TMEM222: variants seen among roughly 807,000 people sequenced by gnomAD.
TMEM222 encodes chromosome 1 open reading frame 160.
A neutral mutation model predicts 25.1 loss-of-function variants in TMEM222; 18 were observed. The observed-to-expected ratio is 0.72, with a 90% CI of 0.50 to 1.06. The LOEUF (loss-of-function observed/expected upper bound fraction) is 1.06. Ranked by LOEUF, TMEM222 falls within the 50% of genes least tolerant of loss-of-function variation. The pLI, the probability that TMEM222 is intolerant of heterozygous loss-of-function variation, is 0.00. For synonymous variants in TMEM222, 131 were observed against 117.9 expected (o/e 1.11, Z -0.72); for missense variants, 296 against 293.7 (o/e 1.01, Z -0.06).
In TMEM222 at chr1:27,324,048, G is replaced by A. The variant is rs566332722; in HGVS notation, c.194+1657G>A. Among the ~76,000 whole-genome samples, 197 of 152,058 alleles carry A rather than the reference G, an allele frequency of 1.3e-3. 1 individual carries two copies. Among genetic ancestry groups the A allele is most frequent in the African/African-American group, 4.5e-3 (185 of 41,474 alleles). On this transcript the variant is annotated intron_variant, in intron 1 of 5. Transcript: ENST00000374076. Reference sequence around the variant, plus strand: ...TATTAGTGTGAAAATAACAGGGGCCGGGCGTGGTGGCTCAGGCCTGTAATC... The same window carrying A: ...TATTAGTGTGAAAATAACAGGGGCCAGGCGTGGTGGCTCAGGCCTGTAATC...
In TMEM222 at chr1:27,335,775, G is replaced by C. The variant is rs1023814597; in HGVS notation, c.*309G>C. On this transcript the variant is annotated 3_prime_UTR_variant, in exon 6 of 6. Coordinates refer to ENST00000374076, the MANE Select transcript of TMEM222 (RefSeq NM_032125.3). ...GAGCTGCTCCCGCCACCACCTGCTG[G>C]GGTCCTGCCTCAGCCCAGTGCCCAG... The C allele has an allele frequency of 2.4e-6, 1 of 424,812 alleles. No homozygotes were observed. Among genetic ancestry groups the C allele is most frequent in the Non-Finnish European group, 4.4e-6 (1 of 227,954 alleles). The allele number at this position is 424,812 out of a possible 1,614,324, so 26.3% of individuals were successfully genotyped here. A position where few individuals can be genotyped will look rare whatever the true frequency, so the allele number is the denominator to read the frequency against.
At chr1:27,332,846 C>T (rs1229862132) in intron 3 of TMEM222, 18 of 366,976 alleles carry the variant, frequency 4.9e-5, no homozygotes, top group South Asian at 4.6e-4. Flanking sequence ...TGCCAGACTG[C>T]TCTTCAAGGA....
chr1:27,334,392 G>T (rs890808886), intron 5 of TMEM222, 111 bp downstream of exon 5: 2 of 1,512,504 alleles, frequency 1.3e-6, no homozygotes, highest in South Asian at 1.3e-5. Flanking sequence ...AGTTGGAACA[G>T]ATGCCAGTTG....
chr1:27,333,754 A>G lies in TMEM222; in HGVS notation c.312-204A>G, dbSNP rs552514613. 5.1e-5 allele frequency: 30 copies of G among 588,264 alleles called. No homozygotes were observed. The South Asian group carries it at 5.3e-4, about 10-fold the overall frequency. 36.4% of individuals were successfully genotyped at this position (588,264 alleles called of 1,614,324 possible). A position where few individuals can be genotyped will look rare whatever the true frequency, so the allele number is the denominator to read the frequency against. On this transcript the variant is annotated intron_variant, in intron 3 of 5. Transcript: ENST00000374076. Reference sequence around the variant, plus strand: ...AGCATAGCACCCCCAATTTCATTCCATATCCCCCCAGGATCCCCCATGGCA... The same window carrying G: ...AGCATAGCACCCCCAATTTCATTCCGTATCCCCCCAGGATCCCCCATGGCA...
Position 27,335,672 on chromosome 1 carries a change from C to T in TMEM222, c.*206C>T. ...CCCTGCCTCTCAGAAGCACCCTGTC[C>T]CCTCCTCCCCAGGCCTGTGACTCCG... On this transcript the variant is annotated 3_prime_UTR_variant, in exon 6 of 6. Transcript: ENST00000374076. 1 of 596,958 alleles carries T rather than the reference C, an allele frequency of 1.7e-6. No homozygotes were observed. 37.0% of individuals were successfully genotyped at this position (596,958 alleles called of 1,614,324 possible).
chr1:27,331,942 C>T, intron 2 of TMEM222, 128 bp from the exon 3 acceptor site: 1 of 767,726 alleles, frequency 1.3e-6, no homozygotes, highest in Admixed American at 1.8e-5. Flanking sequence ...AGGGCCCAGG[C>T]CCCACTTCTG....
chr1:27,332,814 C>T (rs2014511981), intron 3 of TMEM222: 1 of 431,526 alleles, frequency 2.3e-6, no homozygotes, highest in Non-Finnish European at 4.3e-6. Flanking sequence ...GTCCAGGAGT[C>T]TCTGGGCCAC....
chr1:27,325,238 A>G, intron 1 of TMEM222: 1 of 451,794 alleles, frequency 2.2e-6, no homozygotes, highest in South Asian at 2.0e-5. Flanking sequence ...TCAGCAGCAC[A>G]TATACTAAAA....
chr1:27,332,141 G>T (rs1463925938), intron 3 of TMEM222, 40 bp downstream of exon 3: 3 of 1,613,846 alleles, frequency 1.9e-6, no homozygotes, highest in Non-Finnish European at 2.5e-6. Flanking sequence ...CTAGAGGCAG[G>T]TCGCTCCTGC....
chr1:27,324,747 C>G (rs985969474), intron 1 of TMEM222, among the ~76,000 whole-genome samples: 1 of 152,092 alleles, frequency 6.6e-6, no homozygotes, highest in African/African-American at 2.4e-5. Context: ...CAGGAAGCTT[C>G]CAGTTATGGT....
intron 5 of TMEM222, 60 bp from the exon 6 acceptor site, chr1:27,335,319 G>A (rs939641548): frequency 5.1e-5 from 80 of 1,553,938 alleles, no homozygotes; most frequent in Admixed American, 2.2e-4. Flanking sequence ...TCAGGGCTGC[G>A]GGCCGCATGC....
intron 5 of TMEM222, 26 bp downstream of exon 5, chr1:27,334,307 C>T (rs1335102293): frequency 1.9e-6 from 3 of 1,613,542 alleles, no homozygotes; most frequent in Non-Finnish European, 2.5e-6. Flanking sequence ...GCCTGCCCAC[C>T]CACACACTGC....
intron 5 of TMEM222, 186 bp downstream of exon 5, chr1:27,334,467 G>A: frequency 7.9e-7 from 1 of 1,263,160 alleles, no homozygotes; most frequent in South Asian, 1.6e-5. Context: ...CTGTGCTGAA[G>A]TCCAGCTCCA....
chr1:27,322,507 C>G, intron 1 of TMEM222, 116 bp downstream of exon 1: 1 of 1,016,400 alleles, frequency 9.8e-7, no homozygotes, highest in Non-Finnish European at 1.3e-6. Context: ...GTCTGGCCCG[C>G]ACGCCTCGCC....
chr1:27,322,804 G>T (rs1159494838), intron 1 of TMEM222, among the ~76,000 whole-genome samples: 1 of 152,204 alleles, frequency 6.6e-6, no homozygotes, highest in African/African-American at 2.4e-5. Context: ...AAGAGTGGGA[G>T]TTTGGTTGGG....
At chr1:27,330,658 G>A (rs964503413) in intron 1 of TMEM222, 62 bp from the exon 2 acceptor site, 22 of 1,384,260 alleles carry the variant, frequency 1.6e-5, no homozygotes, top group Admixed American at 3.4e-5. Flanking sequence ...GGTCCCCAGC[G>A]TCCGTCTAAC....
chr1:27,333,744 A>G (rs974996669), intron 3 of TMEM222: 2 of 580,928 alleles, frequency 3.4e-6, no homozygotes, highest in African/African-American at 3.7e-5. Context: ...AGCACCCCCA[A>G]TTTCATTCCA....
chr1:27,329,819 AGGCCGG>A (rs2014435159), intron 1 of TMEM222, among the ~76,000 whole-genome samples: 1 of 152,252 alleles, frequency 6.6e-6, no homozygotes, highest in Non-Finnish European at 1.5e-5. Context: ...TGGTAGAAAC[AGGCCGG>A]GTACGGTGGC....
Position 27,335,637 on chromosome 1 carries a change from T to C in TMEM222, c.*171T>C. The C allele has an allele frequency of 1.5e-6, 1 of 645,244 alleles. No individual in the cohort carries two copies. Among genetic ancestry groups the C allele is most frequent in the Non-Finnish European group, 2.7e-6 (1 of 368,110 alleles). 40.0% of individuals were successfully genotyped at this position (645,244 alleles called of 1,614,324 possible). On this transcript the variant is annotated 3_prime_UTR_variant, in exon 6 of 6. Transcript: ENST00000374076. ...ACTGAGGACCAGCATGAAGTGGGGG[T>C]TTGTTGTCTCCCTGCCTCTCAGAAG... is the stretch of plus-strand genomic sequence containing the variant.
Sources: gnomAD v4.1 joint callset for allele counts (sites outside exome capture counted in the v4.1 genomes callset) on GRCh38, gnomAD v4.1.1 for gene constraint, MANE v1.5 for transcripts, NCBI Gene and HGNC (gene_info 2026-07-23, HGNC 2026-07-21) for gene names.